TP73: variants seen among roughly 807,000 people sequenced by gnomAD.
TP73 encodes the protein tumor protein p73, also known as p53-like transcription factor.
In TP73, 25 loss-of-function variants were observed where a neutral mutation model predicts 62.5. That is an observed-to-expected ratio of 0.40 (90% CI 0.29 to 0.56). The LOEUF (loss-of-function observed/expected upper bound fraction) is 0.56. Ranked by LOEUF, TP73 falls within the 20% of genes least tolerant of loss-of-function variation. TP73 has a pLI of 0.46. For missense variants in TP73, 754 were observed against 913.3 expected, an observed-to-expected ratio of 0.83 and a Z score of 2.25; for synonymous variants, 423 against 377.5, an observed-to-expected ratio of 1.12 and a Z score of -1.40.
intron 1 of TP73, among the ~76,000 whole-genome samples, chr1:3,665,549 A>G (rs1645091813): frequency 1.3e-5 from 2 of 152,208 alleles, no homozygotes. Flanking sequence ...TATGCAAAAC[A>G]GAACTTTAAA....
At chr1:3,668,151 G>C (rs373680857) in intron 1 of TP73, among the ~76,000 whole-genome samples, 13 of 152,342 alleles carry the variant, frequency 8.5e-5, no homozygotes, top group South Asian at 8.3e-4. Flanking sequence ...AACTAGGGGT[G>C]GGGGAGGAGG....
chr1:3,706,491 G>A (rs1229509124), intron 3 of TP73, among the ~76,000 whole-genome samples: 1 of 149,908 alleles, frequency 6.7e-6, no homozygotes, highest in Non-Finnish European at 1.5e-5. Flanking sequence ...GGACAATCAC[G>A]GTGCCCGCCG....
chr1:3,690,746 G>C, intron 3 of TP73: 1 of 1,451,712 alleles, frequency 6.9e-7, no homozygotes, highest in South Asian at 1.4e-5. Flanking sequence ...ATGTTCCCCA[G>C]CATCCTCGGC....
chr1:3,717,625 C>T (rs1431996245), intron 4 of TP73, among the ~76,000 whole-genome samples: 1 of 152,162 alleles, frequency 6.6e-6, no homozygotes, highest in Non-Finnish European at 1.5e-5. Context: ...CTCCTCCTGC[C>T]CGTTTTCCAC....
At chr1:3,707,946 C>A in intron 4 of TP73, 155 bp downstream of exon 4, 1 of 1,301,868 alleles carries the variant, frequency 7.7e-7, no homozygotes, top group Non-Finnish European at 1.0e-6. Context: ...GGGCAGGAGG[C>A]GGGTCTCAGG....
At position 3,675,007 on chromosome 1, in the gene TP73, C is replaced by T. The variant is rs143666070; in HGVS notation, c.-33-7326C>T. On this transcript the variant is annotated intron_variant, in intron 1 of 13. Transcript: ENST00000378295. ...TTGAGACGGTCTCCTCCCACAATGG[C>T]CCAGGTGTCTCCTCCCACAATGGCC... Among the ~76,000 whole-genome samples the T allele has an allele frequency of 5.5e-3, 832 of 150,702 alleles. 7 individuals are homozygous for T. Among genetic ancestry groups the T allele is most frequent in the African/African-American group, 0.019 (773 of 40,402 alleles).
rs983294789 is a variant in TP73, at chr1:3,723,606, C to G, written c.732+137C>G. 7 of 685,682 alleles carry G rather than the reference C, an allele frequency of 1.0e-5. No individual in the cohort carries two copies. The African/African-American group carries it at 1.1e-4, about 10-fold the overall frequency. 42.5% of individuals were successfully genotyped at this position (685,682 alleles called of 1,614,324 possible). A position where few individuals can be genotyped will look rare whatever the true frequency, so the allele number is the denominator to read the frequency against. On this transcript the variant is annotated intron_variant, in intron 6 of 13. Coordinates refer to ENST00000378295, the MANE Select transcript of TP73 (RefSeq NM_005427.4). Reference sequence around the variant, plus strand: ...GTCCTGTCGGCATCTGTCCAGGGCTCCCTGCTCTGTGATAAGTCTGTGTCG... The same window carrying G: ...GTCCTGTCGGCATCTGTCCAGGGCTGCCTGCTCTGTGATAAGTCTGTGTCG...
intron 3 of TP73, chr1:3,691,092 C>A: frequency 1.7e-6 from 2 of 1,206,560 alleles, no homozygotes; most frequent in Non-Finnish European, 2.3e-6. Flanking sequence ...GGAAGGGAGG[C>A]GTTGAGGGGC....
intron 9 of TP73, 52 bp downstream of exon 9, chr1:3,728,269 T>C (rs1210879036): frequency 6.3e-7 from 1 of 1,578,332 alleles, no homozygotes; most frequent in Admixed American, 1.7e-5. Context: ...ACCTCTGTCG[T>C]CTGCTGAGCC....
Position 3,733,003 on chromosome 1 carries a change from TCGGCTTCGACCTGCCC to T in TP73, c.1836_1851del (p.Phe612LeufsTer137). On this transcript the variant is annotated frameshift_variant, in exon 14 of 14. Coordinates refer to ENST00000378295, the MANE Select transcript of TP73 (RefSeq NM_005427.4). LOFTEE classifies it high-confidence loss of function. ...GGCGGCCCTGACGAGTGGGCGGACT[TCGGCTTCGACCTGCCC>T]GACTGCAAGGCCCGCAAGCAGCCCA... is the stretch of plus-strand genomic sequence containing the variant. The T allele has an allele frequency of 6.4e-7, 1 of 1,572,218 alleles. No individual in the cohort carries two copies. Among genetic ancestry groups the T allele is most frequent in the Non-Finnish European group, 8.6e-7 (1 of 1,163,164 alleles).
chr1:3,684,844 C>T (rs1645613830), intron 3 of TP73, among the ~76,000 whole-genome samples: 2 of 150,882 alleles, frequency 1.3e-5, no homozygotes, highest in Admixed American at 6.6e-5. Context: ...GTGAGGAAAC[C>T]GAGGCAGATG....
rs1375278117 is a variant in TP73, at chr1:3,677,869, TA to T, written c.-33-4463del. Among the ~76,000 whole-genome samples the T allele has an allele frequency of 2.6e-5, 4 of 151,974 alleles. No homozygotes were observed. In the East Asian group the frequency reaches 7.7e-4, roughly 29 times the overall value. ...CCATCACGCCCTCATGCCCAGCTAA[TA>T]TTTTTTTAAGTTTTTGGAGAGCTGA... On this transcript the variant is annotated intron_variant, in intron 1 of 13. Coordinates refer to ENST00000378295, the MANE Select transcript of TP73 (RefSeq NM_005427.4).
chr1:3,703,729 G>T (rs937311513), intron 3 of TP73, among the ~76,000 whole-genome samples: 2 of 152,254 alleles, frequency 1.3e-5, no homozygotes, highest in African/African-American at 4.8e-5. Flanking sequence ...TGTTCTCAGG[G>T]ATGGAGCAGG....
At chr1:3,723,557 C>T (rs1437016829) in intron 6 of TP73, 88 bp downstream of exon 6, 24 of 637,566 alleles carry the variant, frequency 3.8e-5, no homozygotes, top group Non-Finnish European at 4.5e-5. Flanking sequence ...CCTGTCCCTC[C>T]TCAGTTGGCT....
At chr1:3,658,956 C>G (rs1644928957) in intron 1 of TP73, 1 of 150,596 alleles carries the variant, frequency 6.6e-6, no homozygotes, top group African/African-American at 2.5e-5. Flanking sequence ...GTGGCGTATT[C>G]TGGTCTCCTA....
chr1:3,659,851 CT>C (rs56666456), intron 1 of TP73, among the ~76,000 whole-genome samples: 27,746 of 151,694 alleles, frequency 0.18, 2,641 homozygotes, highest in Admixed American at 0.24. Context: ...ATTATTATTA[CT>C]TTTTTTTAGT....
intron 1 of TP73, among the ~76,000 whole-genome samples, chr1:3,660,126 C>T (rs72857328): frequency 1.8e-3 from 272 of 152,326 alleles, no homozygotes; most frequent in African/African-American, 6.2e-3. Context: ...TCAGGTTAGG[C>T]TTTCAAAAGC....
In TP73 at chr1:3,730,138, G is replaced by A. The variant is rs1642016689; in HGVS notation, c.1335G>A (p.Leu445=). The A allele has an allele frequency of 1.9e-6, 3 of 1,554,092 alleles. No homozygotes were observed. Among genetic ancestry groups the A allele is most frequent in the Non-Finnish European group, 2.6e-6 (3 of 1,148,122 alleles). The stretch of plus-strand genomic sequence containing the variant: ...ACAGTTCGGCAGCTACACCCAACCT[G>A]GGGCCCGTGGGTGAGTCCCTTGGGC... The part of the protein sequence containing the change: ...PPHSSAATPN[L]GPVGPGMLNN... The change falls in exon 11 of 14, where the codon CTG becomes CTA. Residue 445 remains leucine (L), a synonymous_variant. Coordinates refer to ENST00000378295, the MANE Select transcript of TP73 (RefSeq NM_005427.4).
chr1:3,711,907 T>A (rs1483405364), intron 4 of TP73, among the ~76,000 whole-genome samples: 1 of 151,882 alleles, frequency 6.6e-6, no homozygotes, highest in Non-Finnish European at 1.5e-5. Flanking sequence ...AGGGGAGAGC[T>A]GGCTCCACGG....
Sources: allele counts gnomAD v4.1 joint callset (sites outside exome capture counted in the v4.1 genomes callset), GRCh38; gene constraint gnomAD v4.1.1; transcripts MANE v1.5; gene names NCBI Gene and HGNC (gene_info 2026-07-23, HGNC 2026-07-21).